Variants in SNTB1 observed in about 807,000 individuals in gnomAD.
SNTB1 encodes the protein beta-1-syntrophin.
SNTB1 carries 36 observed loss-of-function variants against 48.9 expected under a neutral mutation model. That is an observed-to-expected ratio of 0.74 (90% confidence interval 0.56 to 0.97). SNTB1 has a LOEUF of 0.97. Among genes scored for constraint, SNTB1 ranks in the 50% least tolerant of loss-of-function variants. The pLI, the probability that SNTB1 is intolerant of heterozygous loss-of-function variation, is 0.00. For missense variants in SNTB1, 786 were observed against 703.4 expected (o/e 1.12, Z -1.33); for synonymous variants, 299 against 294.6 (o/e 1.01, Z -0.15).
chr8:120,637,113 G>T (rs1817093282), intron 2 of SNTB1: 1 of 336,496 alleles, frequency 3.0e-6, no homozygotes, highest in Admixed American at 3.7e-5. Context: ...TTGCAGGCTT[G>T]GAAGAGAAAC....
At chr8:120,571,257 C>T in intron 4 of SNTB1, 3 of 1,281,458 alleles carry the variant, frequency 2.3e-6, no homozygotes, top group Non-Finnish European at 3.0e-6. Flanking sequence ...ATGCTTGGGT[C>T]CAACTTTGCT....
chr8:120,550,708 T>C (rs867918849), intron 4 of SNTB1, among the ~76,000 whole-genome samples: 1 of 152,166 alleles, frequency 6.6e-6, no homozygotes, highest in Non-Finnish European at 1.5e-5. Flanking sequence ...GAGGGCATTT[T>C]ATAATAAGTG....
At position 120,660,876 on chromosome 8, in the gene SNTB1, G is replaced by A. The variant is rs547072249; in HGVS notation, c.789-28225C>T. 2.2e-4 allele frequency among the ~76,000 whole-genome samples: 33 copies of A among 152,250 alleles called. 1 individual carries two copies. The highest frequency in any genetic ancestry group is 2.2e-4 in the African/African-American group (9 of 41,544). ...AAGATTGTTATGTCACAGGGAACACGGAGACCTGAGGAGAGGGAGAGAGAT... is the reference window on the plus strand; with the variant it reads ...AAGATTGTTATGTCACAGGGAACACAGAGACCTGAGGAGAGGGAGAGAGAT... On this transcript the variant is annotated intron_variant, in intron 2 of 6. Coordinates refer to ENST00000517992, the MANE Select transcript of SNTB1 (RefSeq NM_021021.4).
chr8:120,675,925 T>C (rs1817826185), intron 2 of SNTB1, among the ~76,000 whole-genome samples: 1 of 152,214 alleles, frequency 6.6e-6, no homozygotes, highest in South Asian at 2.1e-4. Flanking sequence ...CTCAACCTCA[T>C]TGCATCTTCT....
chr8:120,794,732 T>C (rs1340656972), intron 1 of SNTB1, among the ~76,000 whole-genome samples: 3 of 152,032 alleles, frequency 2.0e-5, no homozygotes, highest in Non-Finnish European at 4.4e-5. Context: ...TTTTGCCCCA[T>C]TTCTTAGTTG....
intron 3 of SNTB1, among the ~76,000 whole-genome samples, chr8:120,623,543 T>C (rs1240931155): frequency 6.6e-6 from 1 of 152,190 alleles, no homozygotes; most frequent in African/African-American, 2.4e-5. Context: ...GTCACTCTGC[T>C]CCCTAGTGCA....
chr8:120,637,259 C>T, intron 2 of SNTB1: 1 of 345,916 alleles, frequency 2.9e-6, no homozygotes, highest in Non-Finnish European at 5.7e-6. Context: ...AAAAAGTCTG[C>T]TGCTGACCAA....
Position 120,716,564 on chromosome 8 carries a change from T to C in SNTB1, c.572-22656A>G, listed in dbSNP as rs1012938110. ...TGCTAGAGGTTAAGATATAGGTCTC[T>C]GTTTTTAGACACTTGATGTTCAGGA... On this transcript the variant is annotated intron_variant, in intron 1 of 6. Transcript: ENST00000517992. 3.3e-5 allele frequency among the ~76,000 whole-genome samples: 5 copies of C among 152,220 alleles called. No homozygotes were observed. In the East Asian group the frequency reaches 9.6e-4, roughly 29 times the overall value.
chr8:120,747,969 T>C (rs4871118), intron 1 of SNTB1, among the ~76,000 whole-genome samples: 47,362 of 152,174 alleles, frequency 0.31, 8,970 homozygotes, highest in East Asian at 0.69. Context: ...CTTTCTTTCT[T>C]TACTCTTTCG....
At chr8:120,628,440 A>G (rs370108578) in intron 3 of SNTB1, among the ~76,000 whole-genome samples, 3 of 152,316 alleles carry the variant, frequency 2.0e-5, no homozygotes, top group South Asian at 2.1e-4. Context: ...CTTGGGCCAG[A>G]TGGGGGCTTG....
At chr8:120,742,177 C>T (rs1225449314) in intron 1 of SNTB1, among the ~76,000 whole-genome samples, 1 of 152,194 alleles carries the variant, frequency 6.6e-6, no homozygotes, top group Non-Finnish European at 1.5e-5. Context: ...AAAATCAATT[C>T]CTCTGACAGC....
At chr8:120,736,426 G>C (rs1426740576) in intron 1 of SNTB1, among the ~76,000 whole-genome samples, 5 of 152,192 alleles carry the variant, frequency 3.3e-5, no homozygotes, top group Non-Finnish European at 5.9e-5. Flanking sequence ...TCAGTGAAGA[G>C]AACTAAAAGT....
chr8:120,684,659 T>A (rs1327413479), intron 2 of SNTB1, among the ~76,000 whole-genome samples: 1 of 151,794 alleles, frequency 6.6e-6, no homozygotes, highest in Non-Finnish European at 1.5e-5. Context: ...AATTGAATTT[T>A]TTTTTTTTTT....
intron 2 of SNTB1, among the ~76,000 whole-genome samples, chr8:120,683,857 A>C (rs1817981246): frequency 6.6e-6 from 1 of 152,196 alleles, no homozygotes; most frequent in Admixed American, 6.5e-5. Context: ...CATTTACCCC[A>C]TAGTTATCCT....
At chr8:120,700,035 C>T (rs1818278640) in intron 1 of SNTB1, among the ~76,000 whole-genome samples, 1 of 152,096 alleles carries the variant, frequency 6.6e-6, no homozygotes. Context: ...CCCCTTTGGT[C>T]ATTCGCCCAA....
rs1335429134 is a variant in SNTB1, at chr8:120,646,344, T to C, written c.789-13693A>G. Among the ~76,000 whole-genome samples, 275 of 140,980 alleles carry C rather than the reference T, an allele frequency of 2.0e-3. 1 individual carries two copies. Among genetic ancestry groups the C allele is most frequent in the Non-Finnish European group, 2.9e-3 (185 of 63,998 alleles). The allele number at this position is 140,980 out of a possible 152,430, so 92.5% of individuals were successfully genotyped here. The stretch of plus-strand genomic sequence containing the variant: ...ATTATTTTGAAATACGTCCCATCAA[T>C]ACCTAATTTATTGAGAGTTTTTAGC... On this transcript the variant is annotated intron_variant, in intron 2 of 6. Transcript: ENST00000517992.
intron 2 of SNTB1, among the ~76,000 whole-genome samples, chr8:120,668,830 G>C (rs963290656): frequency 2.6e-5 from 4 of 152,158 alleles, no homozygotes; most frequent in Admixed American, 2.6e-4. Flanking sequence ...AAAGACTTAG[G>C]GGCAGAAGTT....
chr8:120,755,279 A>G lies in SNTB1; in HGVS notation c.571+55994T>C, dbSNP rs188071758. On this transcript the variant is annotated intron_variant, in intron 1 of 6. Coordinates refer to ENST00000517992, the MANE Select transcript of SNTB1 (RefSeq NM_021021.4). ...GACAATATCCTGCCCTAGAGCACTT[A>G]TGTTCTGGGTGTAGATTGAACTAAA... Among the ~76,000 whole-genome samples, 261 of 152,198 alleles carry G rather than the reference A, an allele frequency of 1.7e-3. 1 individual carries two copies. The highest frequency in any genetic ancestry group is 6.1e-3 in the African/African-American group (252 of 41,526).
chr8:120,750,158 C>T (rs998272786), intron 1 of SNTB1, among the ~76,000 whole-genome samples: 5 of 148,222 alleles, frequency 3.4e-5, no homozygotes, highest in African/African-American at 1.2e-4. Flanking sequence ...CTCCTTCCCT[C>T]CCTCCCTTCC....
Sources: gnomAD v4.1 joint callset for allele counts (sites outside exome capture counted in the v4.1 genomes callset) on GRCh38, gnomAD v4.1.1 for gene constraint, MANE v1.5 for transcripts, NCBI Gene and HGNC (gene_info 2026-07-23, HGNC 2026-07-21) for gene names.